NCAM2: variants seen among roughly 807,000 people sequenced by gnomAD.
The protein encoded by NCAM2 is N-CAM-2.
A neutral mutation model predicts 98.1 loss-of-function variants in NCAM2; 30 were observed. That is an observed-to-expected ratio of 0.31 (90% confidence interval 0.23 to 0.41). NCAM2 has a LOEUF of 0.41. NCAM2 is among the 10% of genes least tolerant of loss of function. The probability of loss-of-function intolerance (pLI) is 1.00; values close to 1 mark genes in which losing one functional copy is unlikely to be tolerated. For missense variants in NCAM2, 867 were observed against 1,005.8 expected, an observed-to-expected ratio of 0.86 and a Z score of 1.87; for synonymous variants, 368 against 342.4, an observed-to-expected ratio of 1.07 and a Z score of -0.83.
chr21:21,215,673 A>G (rs1301328862), intron 1 of NCAM2, among the ~76,000 whole-genome samples: 6 of 152,318 alleles, frequency 3.9e-5, no homozygotes, highest in African/African-American at 1.4e-4. Flanking sequence ...GATTGCAGTG[A>G]GCCAAGATCA....
chr21:21,337,810 A>T (rs2074915155), intron 7 of NCAM2, among the ~76,000 whole-genome samples: 1 of 152,060 alleles, frequency 6.6e-6, no homozygotes, highest in South Asian at 2.1e-4. Context: ...AATCAAGTGG[A>T]ATAATATATA....
intron 1 of NCAM2, among the ~76,000 whole-genome samples, chr21:21,010,089 G>A (rs1211492562): frequency 6.6e-6 from 1 of 151,788 alleles, no homozygotes; most frequent in African/African-American, 2.4e-5. Flanking sequence ...GCTTTTAACT[G>A]GAAACACAGT....
intron 1 of NCAM2, among the ~76,000 whole-genome samples, chr21:21,035,148 G>T (rs186281367): frequency 2.0e-5 from 3 of 152,104 alleles, no homozygotes; most frequent in Non-Finnish European, 2.9e-5. Context: ...AAGGGACCAG[G>T]TTAATCTTTC....
chr21:21,077,289 A>G (rs2073042678), intron 1 of NCAM2, among the ~76,000 whole-genome samples: 1 of 152,180 alleles, frequency 6.6e-6, no homozygotes, highest in Non-Finnish European at 1.5e-5. Context: ...GTATCTTCAC[A>G]TTAAATGATT....
chr21:21,026,855 C>CTTTTT (rs752588922), intron 1 of NCAM2, among the ~76,000 whole-genome samples: 3 of 126,798 alleles, frequency 2.4e-5, no homozygotes, highest in African/African-American at 5.9e-5. Context: ...TCTTCTTCTT[C>CTTTTT]TTTTTTTTTT....
intron 8 of NCAM2, among the ~76,000 whole-genome samples, chr21:21,365,238 C>CGTGT (rs66559489): frequency 0.031 from 4,544 of 146,942 alleles, 76 homozygotes; most frequent in East Asian, 0.091. Context: ...TTGCTTAGTG[C>CGTGT]GTGTGTGTGT....
intron 8 of NCAM2, among the ~76,000 whole-genome samples, chr21:21,339,637 A>G (rs1434934936): frequency 6.6e-6 from 1 of 151,926 alleles, no homozygotes; most frequent in Admixed American, 6.6e-5. Context: ...AAGTATTCAT[A>G]CACCTCAATA....
chr21:21,180,291 A>T (rs1226895751), intron 1 of NCAM2, among the ~76,000 whole-genome samples: 1 of 152,190 alleles, frequency 6.6e-6, no homozygotes, highest in African/African-American at 2.4e-5. Context: ...TATGCGATAC[A>T]TGTGATAAAT....
chr21:21,127,028 T>G (rs1257910855), intron 1 of NCAM2, among the ~76,000 whole-genome samples: 1 of 151,944 alleles, frequency 6.6e-6, no homozygotes. Context: ...GCATATACAT[T>G]TTACCATGTT....
chr21:21,025,318 C>G (rs1353291551), intron 1 of NCAM2, among the ~76,000 whole-genome samples: 3 of 152,138 alleles, frequency 2.0e-5, no homozygotes, highest in Non-Finnish European at 4.4e-5. Context: ...ATCTCCTGAC[C>G]TCGTGGCCTG....
chr21:21,284,143 AC>A (rs1727145175), intron 2 of NCAM2, 50 bp from the exon 3 acceptor site: 3 of 1,437,188 alleles, frequency 2.1e-6, no homozygotes, highest in Admixed American at 3.4e-5. Context: ...CAATGTTCAA[AC>A]AAATATTTTT....
chr21:21,289,055 A>G (rs913581666), intron 4 of NCAM2, among the ~76,000 whole-genome samples: 7 of 151,886 alleles, frequency 4.6e-5, no homozygotes, highest in African/African-American at 1.7e-4. Context: ...GGGATATGCT[A>G]TTTGCTGATA....
At chr21:21,503,159 C>T (rs560218229) in intron 15 of NCAM2, among the ~76,000 whole-genome samples, 37 of 152,024 alleles carry the variant, frequency 2.4e-4, no homozygotes, top group African/African-American at 8.4e-4. Flanking sequence ...CAGTGGATGC[C>T]TGAAACCTTT....
chr21:21,489,077 G>T (rs773289531), intron 15 of NCAM2, among the ~76,000 whole-genome samples: 1 of 151,790 alleles, frequency 6.6e-6, no homozygotes, highest in Non-Finnish European at 1.5e-5. Flanking sequence ...TGGCACCTCC[G>T]CCTCCTGTGT....
chr21:21,418,387 T>C (rs1271761155), intron 10 of NCAM2, 86 bp from the exon 11 acceptor site: 1 of 922,296 alleles, frequency 1.1e-6, no homozygotes, highest in Non-Finnish European at 1.8e-6. Flanking sequence ...AAATGAAATG[T>C]GTGAAAGTGG....
intron 8 of NCAM2, among the ~76,000 whole-genome samples, chr21:21,355,208 T>C (rs574807687): frequency 5.3e-4 from 80 of 151,948 alleles, no homozygotes; most frequent in African/African-American, 1.9e-3. Flanking sequence ...CTTAGGCACA[T>C]GGATCGCATG....
chr21:21,536,313 T>C (rs1989978967), intron 17 of NCAM2, among the ~76,000 whole-genome samples: 1 of 151,942 alleles, frequency 6.6e-6, no homozygotes, highest in Admixed American at 6.6e-5. Flanking sequence ...AAATCCCAGA[T>C]GAACTAGCAT....
chr21:21,126,144 C>T (rs905190762), intron 1 of NCAM2, among the ~76,000 whole-genome samples: 1 of 140,740 alleles, frequency 7.1e-6, no homozygotes, highest in African/African-American at 2.6e-5. Context: ...TAAATAAATA[C>T]TTGCTTTTGA....
rs917704157 is a variant in NCAM2 at position 21,466,827 on chromosome 21, A to G, written c.1774+102A>G. ...GGAGATGTTTCAACACTTTTGAGAC[A>G]TGAATTATGTCTTTGGTGAAGTGGT... On this transcript the variant is annotated intron_variant, in intron 13 of 17. Transcript: ENST00000400546. The G allele has an allele frequency of 1.9e-5, 23 of 1,184,556 alleles. No individual in the cohort carries two copies. In the African/African-American group the frequency reaches 2.7e-4, roughly 14 times the overall value. The allele number at this position is 1,184,556 out of a possible 1,614,324, so 73.4% of individuals were successfully genotyped here.
Sources: gnomAD v4.1 joint callset for allele counts (sites outside exome capture counted in the v4.1 genomes callset) on GRCh38, gnomAD v4.1.1 for gene constraint, MANE v1.5 for transcripts, NCBI Gene and HGNC (gene_info 2026-07-23, HGNC 2026-07-21) for gene names.